The following DRC11L variants were observed in gnomAD, a reference collection of about 807,000 sequenced individuals.
The protein encoded by DRC11L is dynein regulatory complex subunit 11 like, also known as dynein regulatory complex subunit like-11.
the DRC11L span, chr7:151,199,108 T>A: frequency 2.5e-6 from 1 of 397,900 alleles, no homozygotes; most frequent in African/African-American, 2.1e-5. The surrounding 1 kb of genome is among the most constrained non-coding windows in gnomAD (Gnocchi z 5.2). Flanking sequence ...ACCCACTCCT[T>A]CCCCAACACC....
chr7:151,201,023 G>C, the DRC11L span, among the ~76,000 whole-genome samples: 2 of 151,872 alleles, frequency 1.3e-5, no homozygotes, highest in African/African-American at 4.8e-5. This position sits in a 1 kb window ranked among gnomAD's most constrained non-coding sequence, Gnocchi z 4.1. Flanking sequence ...CCAGGCCCAA[G>C]ACCCCATCTG....
At chr7:151,199,082 G>A in the DRC11L span, 3 of 398,072 alleles carry the variant, frequency 7.5e-6, no homozygotes, top group East Asian at 7.1e-5. The surrounding 1 kb of genome is among the most constrained non-coding windows in gnomAD (Gnocchi z 5.2). Context: ...CCCCAGCCTC[G>A]GGCACACACG....
chr7:151,191,668 T>C, the DRC11L span: 1 of 399,266 alleles, frequency 2.5e-6, no homozygotes, highest in Non-Finnish European at 4.4e-6. Context: ...CCCTGTACAC[T>C]GGATCCAGCT....
the DRC11L span, chr7:151,203,160 G>A: frequency 3.8e-5 from 15 of 398,762 alleles, no homozygotes; most frequent in South Asian, 1.3e-4. Flanking sequence ...AGGGTGGGCC[G>A]CTGGGAGACC....
At chr7:151,195,058 C>A in the DRC11L span, among the ~76,000 whole-genome samples, 1 of 152,166 alleles carries the variant, frequency 6.6e-6, no homozygotes, top group South Asian at 2.1e-4. Flanking sequence ...GAAGGGACCA[C>A]TGACAAGTCC....
the DRC11L span, chr7:151,191,912 C>T: frequency 9.8e-5 from 39 of 399,322 alleles, no homozygotes; most frequent in African/African-American, 5.5e-4. Context: ...CCTGGAGGGG[C>T]AGTGGGCACC....
At chr7:151,199,569 C>T in the DRC11L span, among the ~76,000 whole-genome samples, 1 of 151,474 alleles carries the variant, frequency 6.6e-6, no homozygotes, top group South Asian at 2.1e-4. The surrounding 1 kb of genome is among the most constrained non-coding windows in gnomAD (Gnocchi z 5.2). Context: ...GGCCCCCCAA[C>T]AAGTCTCTGA....
the DRC11L span, chr7:151,195,829 T>G: frequency 5.2e-6 from 2 of 387,466 alleles, no homozygotes; most frequent in Non-Finnish European, 4.6e-6. Context: ...TTCCTCTGCA[T>G]TCCTCCCTCC....
the DRC11L span, chr7:151,191,595 C>T: frequency 7.5e-6 from 3 of 399,010 alleles, no homozygotes; most frequent in African/African-American, 6.2e-5. Flanking sequence ...GCTGACTCCC[C>T]AAGGGCGCTG....
the DRC11L span, chr7:151,203,020 C>T: frequency 9.8e-5 from 39 of 399,796 alleles, no homozygotes; most frequent in South Asian, 6.4e-4. Flanking sequence ...GAAGGTGGCT[C>T]GAAGCCGGCC....
At chr7:151,203,006 G>C in the DRC11L span, 2 of 399,760 alleles carry the variant, frequency 5.0e-6, no homozygotes, top group South Asian at 1.3e-4. Context: ...CGAATCTCTC[G>C]CATGAAGGTG....
At chr7:151,193,169 C>T in the DRC11L span, 1 of 398,030 alleles carries the variant, frequency 2.5e-6, no homozygotes, top group Non-Finnish European at 4.4e-6. Flanking sequence ...GTAGGGAGAC[C>T]TCACCAGTTC....
chr7:151,200,444 C>T, the DRC11L span: 36 of 399,134 alleles, frequency 9.0e-5, no homozygotes, highest in Non-Finnish European at 1.5e-4. Flanking sequence ...CTGCAGATAG[C>T]CTTTCCACAC....
the DRC11L span, chr7:151,204,378 T>TA: frequency 2.2e-5 from 8 of 367,356 alleles, no homozygotes; most frequent in Non-Finnish European, 2.9e-5. Context: ...GTCGGCCCCA[T>TA]CCCTACCCCA....
At chr7:151,192,560 C>T in the DRC11L span, 1 of 398,374 alleles carries the variant, frequency 2.5e-6, no homozygotes, top group Non-Finnish European at 4.4e-6. Context: ...CACCTCAGCC[C>T]TAGCGGGATG....
the DRC11L span, chr7:151,192,965 C>T: frequency 2.5e-6 from 1 of 398,060 alleles, no homozygotes; most frequent in African/African-American, 2.1e-5. Flanking sequence ...CTCCCCACAC[C>T]TGGAAGTCCC....
chr7:151,201,548 C>A, the DRC11L span, among the ~76,000 whole-genome samples: 1 of 152,190 alleles, frequency 6.6e-6, no homozygotes, highest in Non-Finnish European at 1.5e-5. The surrounding 1 kb of genome is among the most constrained non-coding windows in gnomAD (Gnocchi z 4.1). Context: ...AAGTAATGCA[C>A]GAATCTATCC....
chr7:151,198,994 G>T, the DRC11L span: 1 of 399,080 alleles, frequency 2.5e-6, no homozygotes, highest in Non-Finnish European at 4.4e-6. Context: ...ACCTGGTTGG[G>T]TGAGGGGAGC....
chr7:151,203,324 C>T, the DRC11L span: 1 of 399,142 alleles, frequency 2.5e-6, no homozygotes, highest in Admixed American at 4.4e-5. Flanking sequence ...CAGGGAGGGG[C>T]CTCTCTGCAT....
Sources: allele counts gnomAD v4.1 joint callset (sites outside exome capture counted in the v4.1 genomes callset), GRCh38; gene constraint gnomAD v4.1.1; non-coding constraint Gnocchi (gnomAD v3.1); transcripts MANE v1.5; gene names NCBI Gene and HGNC (gene_info 2026-07-23, HGNC 2026-07-21).